Variants in TET1 observed in about 807,000 individuals in gnomAD.
TET1 encodes the protein methylcytosine dioxygenase TET1.
Under a neutral mutation model 148.7 loss-of-function variants are expected in TET1, and 13 were observed. The ratio of observed to expected loss-of-function variants is 0.09; its 90% CI spans 0.06 to 0.14. The LOEUF is 0.14. Ranked by LOEUF, TET1 falls within the 10% of genes least tolerant of loss-of-function variation. TET1 has a pLI of 1.00. For synonymous variants in TET1, 907 were observed against 937.2 expected, an observed-to-expected ratio of 0.97 and a Z score of 0.59; for missense variants, 2,182 against 2,553.8, an observed-to-expected ratio of 0.85 and a Z score of 3.14.
rs779057764 is a variant in TET1 at position 68,573,765 on chromosome 10, C to G, written c.1427C>G (p.Thr476Ser). Residue 476 changes from threonine to serine, a missense_variant, in exon 2 of 12, where the codon ACT (threonine) becomes AGT (serine). Coordinates refer to ENST00000373644, the MANE Select transcript of TET1 (RefSeq NM_030625.3). ...ATTTTGCCTTTGGGCTCAGGACACA[C>G]TCCTCAATCATCATCAAACTCAGAG... ...IQILPLGSGH[T>S]PQSSSNSEKN... The G allele has an allele frequency of 6.8e-6, 11 of 1,613,990 alleles. No homozygotes were observed. The highest frequency in any genetic ancestry group is 9.3e-6 in the Non-Finnish European group (11 of 1,180,048).
At chr10:68,641,265 C>T (rs1397706740) in intron 3 of TET1, among the ~76,000 whole-genome samples, 2 of 151,942 alleles carry the variant, frequency 1.3e-5, no homozygotes, top group African/African-American at 2.4e-5. Flanking sequence ...TGTAATGGCA[C>T]GATCTCGGCT....
chr10:68,641,800 CTATT>C (rs1300309356), intron 3 of TET1, among the ~76,000 whole-genome samples: 3 of 152,108 alleles, frequency 2.0e-5, no homozygotes, highest in East Asian at 3.9e-4. Context: ...CGCACCTGGC[CTATT>C]TATTTATTTA....
chr10:68,661,628 C>T (rs1195886281), intron 6 of TET1, among the ~76,000 whole-genome samples: 3 of 151,732 alleles, frequency 2.0e-5, no homozygotes, highest in African/African-American at 4.8e-5. Context: ...AAACCATAGG[C>T]ACTCACCACC....
intron 3 of TET1, among the ~76,000 whole-genome samples, chr10:68,619,652 A>G (rs768542796): frequency 3.9e-5 from 6 of 152,214 alleles, no homozygotes; most frequent in Non-Finnish European, 8.8e-5. Flanking sequence ...AATTAATCTA[A>G]TTAACATATT....
At chr10:68,601,188 C>CT (rs572630973) in intron 3 of TET1, among the ~76,000 whole-genome samples, 154 bp downstream of exon 3, 219 of 152,106 alleles carry the variant, frequency 1.4e-3, no homozygotes, top group African/African-American at 4.4e-3. Flanking sequence ...TTTTCTCTCT[C>CT]TTTTTTTTGA....
chr10:68,571,372 C>T (rs187165836), intron 1 of TET1, among the ~76,000 whole-genome samples: 2,651 of 151,994 alleles, frequency 0.017, 89 homozygotes, highest in African/African-American at 0.06. Flanking sequence ...GGCGCAATCT[C>T]GGCTCACCGC....
chr10:68,670,241 T>A (rs939734671), intron 7 of TET1, among the ~76,000 whole-genome samples: 8 of 152,190 alleles, frequency 5.3e-5, no homozygotes, highest in Admixed American at 3.9e-4. Flanking sequence ...TCCCAATAAT[T>A]TTCCCCTGTC....
intron 1 of TET1, among the ~76,000 whole-genome samples, chr10:68,565,245 G>T (rs943381473): frequency 1.4e-4 from 21 of 152,108 alleles, no homozygotes; most frequent in African/African-American, 5.1e-4. Context: ...AAGAGGCTCA[G>T]GAGGGCAGAT....
chr10:68,622,104 T>C (rs1387435701), intron 3 of TET1, among the ~76,000 whole-genome samples: 1 of 152,166 alleles, frequency 6.6e-6, no homozygotes, highest in Non-Finnish European at 1.5e-5. Flanking sequence ...AACTCAAATT[T>C]GGCCAATATT....
Position 68,573,300 on chromosome 10 carries a change from C to T in TET1, c.962C>T (p.Thr321Met), listed in dbSNP as rs761163037. ...LRNCLALGGS[T>M]SPTSVIKFLL... is the part of the protein sequence containing the mutation. ...AACTGCTTGGCTCTTGGTGGGTCTA[C>T]GTCTCCTACCTCTGTAATAAAATTC... Residue 321 changes from threonine to methionine, a missense_variant, in exon 2 of 12, where the codon ACG becomes ATG. Physicochemically the swap from Thr to Met is moderately conservative, Grantham distance 81 (BLOSUM62 -1). Transcript: ENST00000373644. 5.5e-5 allele frequency: 89 copies of T among 1,613,930 alleles called. No homozygotes were observed. Among genetic ancestry groups the T allele is most frequent in the East Asian group, 1.6e-4 (7 of 44,898 alleles).
intron 6 of TET1, among the ~76,000 whole-genome samples, chr10:68,659,511 G>A (rs904101030): frequency 3.9e-5 from 6 of 152,002 alleles, no homozygotes; most frequent in Admixed American, 3.3e-4. Flanking sequence ...TAGAGGTGGG[G>A]TTTCACCATG....
At chr10:68,651,167 A>G (rs1247067784) in intron 4 of TET1, among the ~76,000 whole-genome samples, 2 of 152,166 alleles carry the variant, frequency 1.3e-5, no homozygotes, top group East Asian at 3.8e-4. Context: ...TAATTGTGCA[A>G]ATGTATAGTA....
In TET1 at chr10:68,645,939, T is replaced by A; in HGVS notation, c.3210T>A (p.His1070Gln). The change falls in exon 4 of 12, where the codon CAT (histidine) becomes CAA (glutamine). Residue 1070 changes from histidine to glutamine, a missense_variant. Around this residue, in one of 11 missense-constraint regions of TET1, gnomAD observed 582 missense variants for 599.5 expected, o/e 0.97. Transcript: ENST00000373644. Reference protein sequence around the residue: ...SDDLSCQDATHTQIEEDVATQ... With the variant: ...SDDLSCQDATQTQIEEDVATQ... The stretch of plus-strand genomic sequence containing the variant: ...ATCTATCATGTCAGGATGCAACCCA[T>A]ACCCAAATTGAGGAAGATGTTGCAA... 1 of 1,613,860 alleles carries A rather than the reference T, an allele frequency of 6.2e-7. No homozygotes were observed.
At chr10:68,584,037 C>CTT (rs774508301) in intron 2 of TET1, among the ~76,000 whole-genome samples, 1 of 145,534 alleles carries the variant, frequency 6.9e-6, no homozygotes, top group Non-Finnish European at 1.5e-5. Flanking sequence ...AATAAAATAT[C>CTT]TTTTTTTTTT....
Position 68,644,712 on chromosome 10 carries a change from C to A in TET1, c.1983C>A (p.Asn661Lys), listed in dbSNP as rs1186060538. The A allele has an allele frequency of 6.4e-7, 1 of 1,564,032 alleles. No homozygotes were observed. The highest frequency in any genetic ancestry group is 8.6e-7 in the Non-Finnish European group (1 of 1,158,468). The change falls in exon 4 of 12, where the codon AAC (asparagine) becomes AAA (lysine). Residue 661 changes from asparagine to lysine, a missense_variant. Transcript: ENST00000373644. ...KPKVLKADFD[N>K]KPVNGPKSES... ...GTATTTTACAGGCAGATTTTGACAA[C>A]AAACCAGTAAATGGCCCCAAGTCAG...
intron 8 of TET1, among the ~76,000 whole-genome samples, chr10:68,673,942 T>TC (rs1554811629): frequency 7.0e-6 from 1 of 142,944 alleles, no homozygotes; most frequent in South Asian, 2.2e-4. Context: ...TTTCTTTTTT[T>TC]TTTTTCTTTT....
rs7096197 is a variant in TET1 at position 68,667,969 on chromosome 10, T to G, written c.4673+713T>G. ...TCTTACCAATGATTATGTTGGCAAA[T>G]GTGAGTTTTTGCCTATTAAGAGAAA... On this transcript the variant is annotated intron_variant, in intron 7 of 11. Transcript: ENST00000373644. Among the ~76,000 whole-genome samples the G allele has an allele frequency of 4.6e-3, 706 of 152,300 alleles. 3 individuals carry two copies. Among genetic ancestry groups the G allele is most frequent in the African/African-American group, 0.016 (662 of 41,562 alleles).
At chr10:68,562,090 A>G (rs1305452232) in intron 1 of TET1, among the ~76,000 whole-genome samples, 1 of 152,150 alleles carries the variant, frequency 6.6e-6, no homozygotes, top group African/African-American at 2.4e-5. Context: ...TTGGAGCGAG[A>G]ACAGGATTAG....
intron 11 of TET1, among the ~76,000 whole-genome samples, chr10:68,690,500 C>T (rs1243542303): frequency 3.9e-5 from 6 of 151,976 alleles, no homozygotes; most frequent in Non-Finnish European, 7.4e-5. Context: ...CCCAGCTACT[C>T]GGGAGGTTGA....
Sources: gnomAD v4.1 joint callset for allele counts (sites outside exome capture counted in the v4.1 genomes callset) on GRCh38, gnomAD v4.1.1 for gene constraint, gnomAD v4.1.1 regional missense constraint, MANE v1.5 for transcripts, NCBI Gene and HGNC (gene_info 2026-07-23, HGNC 2026-07-21) for gene names.